Variants in CRACDL observed in about 807,000 individuals in gnomAD.
CRACDL encodes the protein CRACD-like protein.
In CRACDL, 26 loss-of-function variants were observed where a neutral mutation model predicts 70.6. The ratio of observed to expected loss-of-function variants is 0.37; its 90% confidence interval spans 0.27 to 0.51. The LOEUF is 0.51. Ranked by LOEUF, CRACDL falls within the 20% of genes least tolerant of loss-of-function variation. The pLI is 0.94. For missense variants in CRACDL, 1,283 were observed against 1,376.9 expected (o/e 0.93, Z 1.08); for synonymous variants, 618 against 615.2 (o/e 1.00, Z -0.07).
At position 98,822,311 on chromosome 2, in the gene CRACDL, A is replaced by G. The variant is rs1705087290; in HGVS notation, c.1962T>C (p.Pro654=). Residue 654 remains proline, a synonymous_variant, in exon 7 of 10, where the codon CCT becomes CCC. Transcript: ENST00000397899. The surrounding 1 kb of genome is among the most constrained non-coding windows in gnomAD (Gnocchi z 4.9). ...AASPAGPRKS[P]QEAAAAPGTR... ...TGCCGGGCGCGGCGGCCGCCTCCTG[A>G]GGGCTCTTGCGCGGCCCGGCCGGGC... The G allele has an allele frequency of 1.3e-6, 2 of 1,500,546 alleles. No homozygotes were observed. The highest frequency in any genetic ancestry group is 5.1e-5 in the East Asian group (2 of 39,088). 93.0% of individuals were successfully genotyped at this position (1,500,546 alleles called of 1,614,324 possible).
chr2:98,900,482 A>C (rs567937471), intron 1 of CRACDL, among the ~76,000 whole-genome samples: 2 of 152,136 alleles, frequency 1.3e-5, no homozygotes, highest in South Asian at 4.1e-4. Context: ...AAACCCACCC[A>C]GCAACCACAC....
intron 1 of CRACDL, among the ~76,000 whole-genome samples, chr2:98,876,499 C>G (rs1304396636): frequency 6.6e-6 from 1 of 152,096 alleles, no homozygotes; most frequent in South Asian, 2.1e-4. Flanking sequence ...GGAGTGCGAG[C>G]CCTATTGTGA....
In CRACDL at chr2:98,823,142, G is replaced by A. The variant is rs749417186; in HGVS notation, c.1131C>T (p.Pro377=). The A allele has an allele frequency of 6.4e-7, 1 of 1,558,742 alleles. No homozygotes were observed. ...CCGTGGCCGGGGCACACGGGCCTGC[G>A]GGGGGCGCCTCCCCATCCTGCTTTC... is the stretch of plus-strand genomic sequence containing the variant. The part of the protein sequence containing the change: ...DGGKQDGEAP[P]AGPCAPATDK... Residue 377 remains proline (P), a synonymous_variant, in exon 7 of 10, where the codon CCC becomes CCT. Coordinates refer to ENST00000397899, the MANE Select transcript of CRACDL (RefSeq NM_207362.3). This position sits in a 1 kb window ranked among gnomAD's most constrained non-coding sequence, Gnocchi z 4.0.
At chr2:98,884,282 C>T (rs1434974190) in intron 1 of CRACDL, among the ~76,000 whole-genome samples, 1 of 152,264 alleles carries the variant, frequency 6.6e-6, no homozygotes. Context: ...GCACAGCTCA[C>T]ACAGCCAGGA....
intron 1 of CRACDL, among the ~76,000 whole-genome samples, chr2:98,899,110 C>T (rs2104651918): frequency 1.3e-5 from 2 of 152,262 alleles, no homozygotes; most frequent in South Asian, 4.1e-4. Flanking sequence ...CTGGGATGTG[C>T]CCCTCCCACC....
chr2:98,933,358 C>T (rs1363627629), intron 1 of CRACDL, among the ~76,000 whole-genome samples: 4 of 152,128 alleles, frequency 2.6e-5, no homozygotes, highest in African/African-American at 7.2e-5. Flanking sequence ...CGAGGAGTAA[C>T]GTGGAAAGAC....
At chr2:98,932,202 G>C (rs1026211888) in intron 1 of CRACDL, among the ~76,000 whole-genome samples, 3 of 152,142 alleles carry the variant, frequency 2.0e-5, no homozygotes, top group African/African-American at 7.2e-5. Flanking sequence ...AGAGATCGGC[G>C]GGACACCAGC....
intron 1 of CRACDL, among the ~76,000 whole-genome samples, chr2:98,926,799 T>C (rs1481510391): frequency 6.6e-6 from 1 of 152,212 alleles, no homozygotes; most frequent in Non-Finnish European, 1.5e-5. Context: ...AGTGGGTTAA[T>C]TCCTGCCTCC....
At chr2:98,828,198 A>C (rs1705390441) in intron 5 of CRACDL, among the ~76,000 whole-genome samples, 1 of 152,218 alleles carries the variant, frequency 6.6e-6, no homozygotes, top group South Asian at 2.1e-4. Flanking sequence ...GCTCCCCTGC[A>C]GACACAAGTT....
At chr2:98,812,223 C>T (rs1704597348) in intron 7 of CRACDL, among the ~76,000 whole-genome samples, 1 of 152,218 alleles carries the variant, frequency 6.6e-6, no homozygotes, top group Non-Finnish European at 1.5e-5. Flanking sequence ...GATCCACCCA[C>T]CTTGGCCTCC....
chr2:98,822,644 C>T lies in CRACDL; in HGVS notation c.1629G>A (p.Glu543=). 2 of 1,361,814 alleles carry T rather than the reference C, an allele frequency of 1.5e-6. No individual in the cohort carries two copies. Among genetic ancestry groups the T allele is most frequent in the Non-Finnish European group, 1.9e-6 (2 of 1,066,912 alleles). 84.4% of individuals were successfully genotyped at this position (1,361,814 alleles called of 1,614,324 possible). A position where few individuals can be genotyped will look rare whatever the true frequency, so the allele number is the denominator to read the frequency against. ...CGCCCGCCGGTGGCGCCTCGGCTCG[C>T]TCGGCCTTGGGGCGCTCCGGGGCGG... ...EAAAPERPKA[E]RAEAPPAGAE... The change falls in exon 7 of 10, where the codon GAG becomes GAA. Residue 543 remains glutamate, a synonymous_variant. Transcript: ENST00000397899. This position sits in a 1 kb window ranked among gnomAD's most constrained non-coding sequence, Gnocchi z 4.9.
intron 1 of CRACDL, among the ~76,000 whole-genome samples, chr2:98,856,431 G>A (rs144291511): frequency 0.018 from 2,739 of 152,196 alleles, 88 homozygotes; most frequent in African/African-American, 0.062. Flanking sequence ...ATGATTTCTT[G>A]CTAGCAGACC....
chr2:98,910,106 C>G (rs538615589), intron 1 of CRACDL, among the ~76,000 whole-genome samples: 2 of 152,318 alleles, frequency 1.3e-5, no homozygotes, highest in African/African-American at 4.8e-5. Flanking sequence ...CTGCTCCTAC[C>G]TGCAGGAAGC....
At chr2:98,882,341 T>C (rs1027103947) in intron 1 of CRACDL, among the ~76,000 whole-genome samples, 5 of 152,228 alleles carry the variant, frequency 3.3e-5, no homozygotes, top group Non-Finnish European at 7.3e-5. Flanking sequence ...ACTGCAGACA[T>C]GGCCCAGGCC....
intron 1 of CRACDL, among the ~76,000 whole-genome samples, chr2:98,866,949 G>A (rs1707170280): frequency 6.6e-6 from 1 of 152,124 alleles, no homozygotes; most frequent in Non-Finnish European, 1.5e-5. Context: ...GCCACACAGA[G>A]CTGAAGTCTG....
At chr2:98,920,650 T>C (rs1258611202) in intron 1 of CRACDL, among the ~76,000 whole-genome samples, 1 of 152,128 alleles carries the variant, frequency 6.6e-6, no homozygotes, top group South Asian at 2.1e-4. Flanking sequence ...CTCCCCATAC[T>C]TCCCTGCCTG....
At chr2:98,847,072 C>G (rs1384174440) in intron 1 of CRACDL, among the ~76,000 whole-genome samples, 8 of 152,222 alleles carry the variant, frequency 5.3e-5, no homozygotes, top group Non-Finnish European at 1.0e-4. Context: ...AATTTACACA[C>G]TGCAGATTAG....
At chr2:98,920,790 A>T (rs1708784517) in intron 1 of CRACDL, among the ~76,000 whole-genome samples, 1 of 152,134 alleles carries the variant, frequency 6.6e-6, no homozygotes, top group Non-Finnish European at 1.5e-5. Context: ...AGAATCACCC[A>T]CGTGTCTGTG....
chr2:98,815,645 GA>G (rs1704753019), intron 7 of CRACDL, among the ~76,000 whole-genome samples: 1 of 152,210 alleles, frequency 6.6e-6, no homozygotes, highest in Non-Finnish European at 1.5e-5. Flanking sequence ...AAAGAGCTCT[GA>G]CCCATAGGAG....
Sources: gnomAD v4.1 joint callset for allele counts (sites outside exome capture counted in the v4.1 genomes callset) on GRCh38, gnomAD v4.1.1 for gene constraint, Gnocchi (gnomAD v3.1) non-coding constraint, MANE v1.5 for transcripts, NCBI Gene and HGNC (gene_info 2026-07-23, HGNC 2026-07-21) for gene names.